Variants in CHSY3 observed in about 807,000 individuals in gnomAD.
The protein encoded by CHSY3 is N-acetylgalactosaminyl-proteoglycan 3-beta-glucuronosyltransferase 3.
A neutral mutation model predicts 67.2 loss-of-function variants in CHSY3; 35 were observed. The ratio of observed to expected loss-of-function variants is 0.52; its 90% CI spans 0.40 to 0.69. CHSY3 has a LOEUF of 0.69. Among genes scored for constraint, CHSY3 ranks in the 30% least tolerant of loss-of-function variants. The probability of loss-of-function intolerance (pLI) is 0.00; values close to 1 mark genes in which losing one functional copy is unlikely to be tolerated. For missense variants in CHSY3, 1,069 were observed against 1,138.5 expected (o/e 0.94, Z 0.88); for synonymous variants, 474 against 434.7 (o/e 1.09, Z -1.12).
intron 2 of CHSY3, among the ~76,000 whole-genome samples, chr5:130,175,475 T>C (rs1211634723): frequency 1.3e-5 from 2 of 152,064 alleles, no homozygotes; most frequent in Admixed American, 6.6e-5. Flanking sequence ...CAAGCTACCA[T>C]TGACTTTCTT....
intron 2 of CHSY3, among the ~76,000 whole-genome samples, chr5:130,068,324 G>A (rs1580702040): frequency 6.6e-6 from 1 of 152,016 alleles, no homozygotes; most frequent in African/African-American, 2.4e-5. Context: ...AATTACCAAA[G>A]CATCCCTCTG....
intron 2 of CHSY3, among the ~76,000 whole-genome samples, chr5:129,921,102 G>C (rs1327172872): frequency 6.6e-6 from 1 of 152,162 alleles, no homozygotes; most frequent in Non-Finnish European, 1.5e-5. Flanking sequence ...TTATAGGCGT[G>C]AACCATCGTG....
At chr5:130,008,338 G>T (rs1223330964) in intron 2 of CHSY3, among the ~76,000 whole-genome samples, 1 of 152,184 alleles carries the variant, frequency 6.6e-6, no homozygotes, top group African/African-American at 2.4e-5. Context: ...TAGGGTTAGA[G>T]CATGCAGACC....
At chr5:129,989,441 G>A (rs115471894) in intron 2 of CHSY3, among the ~76,000 whole-genome samples, 44 of 151,960 alleles carry the variant, frequency 2.9e-4, no homozygotes, top group African/African-American at 9.9e-4. Flanking sequence ...TGTGTTTTTA[G>A]TAGAGACTTG....
chr5:130,002,181 A>G (rs775197887), intron 2 of CHSY3: 6 of 380,520 alleles, frequency 1.6e-5, no homozygotes, highest in Non-Finnish European at 2.2e-5. Context: ...AGGGCTCAGG[A>G]CAAGTTCTAT....
chr5:130,167,206 T>C (rs1241609468), intron 2 of CHSY3, among the ~76,000 whole-genome samples: 1 of 152,060 alleles, frequency 6.6e-6, no homozygotes, highest in African/African-American at 2.4e-5. Flanking sequence ...TTTTAAGTGC[T>C]GGGGTGAGCC....
At chr5:129,978,779 C>T (rs574087275) in intron 2 of CHSY3, among the ~76,000 whole-genome samples, 3 of 151,848 alleles carry the variant, frequency 2.0e-5, no homozygotes, top group Admixed American at 1.3e-4. Flanking sequence ...TTAATCTACC[C>T]GAAAAAGGAA....
Position 130,026,724 on chromosome 5 carries a change from A to T in CHSY3, c.1086+118364A>T, listed in dbSNP as rs965542781. 3.3e-5 allele frequency among the ~76,000 whole-genome samples: 5 copies of T among 152,258 alleles called. No individual in the cohort carries two copies. In the East Asian group the frequency reaches 9.6e-4, roughly 29 times the overall value. Reference sequence around the variant, plus strand: ...AGTTGTTTTAAAACAAATTATCATAAAAATTTGCCTTCCTTCTGCAAGCTT... The same window carrying T: ...AGTTGTTTTAAAACAAATTATCATATAAATTTGCCTTCCTTCTGCAAGCTT... On this transcript the variant is annotated intron_variant, in intron 2 of 2. Transcript: ENST00000305031.
intron 2 of CHSY3, among the ~76,000 whole-genome samples, chr5:130,148,378 T>C (rs914869874): frequency 1.3e-5 from 2 of 152,152 alleles, no homozygotes; most frequent in African/African-American, 2.4e-5. Context: ...GTCTTTATGG[T>C]AGAATGATTT....
intron 2 of CHSY3, among the ~76,000 whole-genome samples, chr5:129,986,499 GT>G (rs1356810346): frequency 5.9e-5 from 9 of 152,064 alleles, no homozygotes; most frequent in African/African-American, 2.2e-4. Context: ...TTTTCATCAT[GT>G]TTCTGCCAGG....
At chr5:130,007,062 T>C (rs957250284) in intron 2 of CHSY3, among the ~76,000 whole-genome samples, 1 of 152,208 alleles carries the variant, frequency 6.6e-6, no homozygotes, top group African/African-American at 2.4e-5. Flanking sequence ...GGACCACACA[T>C]TGAGTAATAC....
chr5:129,974,795 A>G (rs1259285583), intron 2 of CHSY3: 1 of 152,170 alleles, frequency 6.6e-6, no homozygotes, highest in Non-Finnish European at 1.5e-5. Flanking sequence ...TTTTATCTGT[A>G]GAAAGGATCT....
At chr5:130,174,564 G>T (rs1426837773) in intron 2 of CHSY3, among the ~76,000 whole-genome samples, 1 of 151,958 alleles carries the variant, frequency 6.6e-6, no homozygotes, top group Non-Finnish European at 1.5e-5. Context: ...TTAATCAAGA[G>T]CATTTTCATG....
chr5:130,001,486 G>A, intron 2 of CHSY3: 1 of 954,334 alleles, frequency 1.0e-6, no homozygotes, highest in Non-Finnish European at 1.2e-6. Context: ...CTGTGGCAGA[G>A]ACTGGTACCA....
chr5:130,132,475 A>G (rs140251778), intron 2 of CHSY3, among the ~76,000 whole-genome samples: 1 of 152,322 alleles, frequency 6.6e-6, no homozygotes, highest in East Asian at 1.9e-4. Flanking sequence ...AATTATTGCA[A>G]TGTAATATGA....
chr5:129,953,695 C>T (rs909079952), intron 2 of CHSY3, among the ~76,000 whole-genome samples: 1 of 152,140 alleles, frequency 6.6e-6, no homozygotes, highest in Non-Finnish European at 1.5e-5. Flanking sequence ...GATGGTACCT[C>T]ATTGTGGTTT....
At chr5:129,918,301 A>C (rs1760799290) in intron 2 of CHSY3, among the ~76,000 whole-genome samples, 1 of 152,234 alleles carries the variant, frequency 6.6e-6, no homozygotes, top group African/African-American at 2.4e-5. Flanking sequence ...AGTAATACGT[A>C]ATAAGAGAGT....
In CHSY3 at chr5:130,013,643, T is replaced by C. The variant is rs1302386090; in HGVS notation, c.1086+105283T>C. Among the ~76,000 whole-genome samples, 3 of 152,266 alleles carry C rather than the reference T, an allele frequency of 2.0e-5. No individual in the cohort carries two copies. In the East Asian group the frequency reaches 5.8e-4, roughly 29 times the overall value. ...CTGGAGCAGCTGGAGCTAAAGCAGC[T>C]GGGATGCAGGGCACCATGTCCTGAG... On this transcript the variant is annotated intron_variant, in intron 2 of 2. Transcript: ENST00000305031.
At position 129,908,238 on chromosome 5, in the gene CHSY3, C is replaced by G; in HGVS notation, c.964C>G (p.Leu322Val). The change falls in exon 2 of 3, where the codon CTC (leucine) becomes GTC (valine). Residue 322 changes from leucine to valine, a missense_variant. Leu to Val is a conservative substitution (Grantham distance 32). This residue lies in a region of CHSY3 where 216 missense variants were observed against 311.5 expected (regional missense o/e 0.69). Coordinates refer to ENST00000305031, the MANE Select transcript of CHSY3 (RefSeq NM_175856.5). Reference protein sequence around the residue: ...GPGMIFSREVLRRMVPHIGEC... With the variant: ...GPGMIFSREVVRRMVPHIGEC... Reference sequence around the variant, plus strand: ...TGGCATGATCTTTAGCCGAGAAGTTCTCAGGAGGATGGTGCCACATATTGG... The same window carrying G: ...TGGCATGATCTTTAGCCGAGAAGTTGTCAGGAGGATGGTGCCACATATTGG... 1 of 1,614,118 alleles carries G rather than the reference C, an allele frequency of 6.2e-7. No homozygotes were observed. The highest frequency in any genetic ancestry group is 1.1e-5 in the South Asian group (1 of 91,078).
Sources: gnomAD v4.1 joint callset for allele counts (sites outside exome capture counted in the v4.1 genomes callset) on GRCh38, gnomAD v4.1.1 for gene constraint, gnomAD v4.1.1 regional missense constraint, MANE v1.5 for transcripts, NCBI Gene and HGNC (gene_info 2026-07-23, HGNC 2026-07-21) for gene names.